GRAMD1B: variants seen among roughly 807,000 people sequenced by gnomAD.
GRAMD1B encodes the protein protein Aster-B.
A neutral mutation model predicts 99.7 loss-of-function variants in GRAMD1B; 37 were observed. That is an observed-to-expected ratio of 0.37 (90% CI 0.29 to 0.49). GRAMD1B has a LOEUF of 0.49. Among genes scored for constraint, GRAMD1B ranks in the 20% least tolerant of loss-of-function variants. GRAMD1B has a pLI of 0.98. For synonymous variants in GRAMD1B, 427 were observed against 387.6 expected (o/e 1.10, Z -1.19); for missense variants, 888 against 1,009.2 (o/e 0.88, Z 1.63).
At position 123,549,855 on chromosome 11, in the gene GRAMD1B, C is replaced by T. The variant is rs539362785; in HGVS notation, c.453-27512C>T. On this transcript the variant is annotated intron_variant, in intron 2 of 19. Coordinates refer to ENST00000635736, the MANE Select transcript of GRAMD1B (RefSeq NM_001387025.1). ...GAAAAGGCCTGTCTGGAAACAAATG[C>T]ATGAGCAGCCCAGGTGCTGCCCTGG... Among the ~76,000 whole-genome samples the T allele has an allele frequency of 1.6e-4, 24 of 152,296 alleles. 1 individual carries two copies. Among genetic ancestry groups the T allele is most frequent in the African/African-American group, 5.5e-4 (23 of 41,580 alleles).
At chr11:123,384,852 G>A (rs1409659614) in intron 1 of GRAMD1B, among the ~76,000 whole-genome samples, 1 of 152,062 alleles carries the variant, frequency 6.6e-6, no homozygotes, top group Non-Finnish European at 1.5e-5. Flanking sequence ...AGGTCATATG[G>A]TCTCCATCAC....
At chr11:123,567,572 G>C (rs373207164) in intron 2 of GRAMD1B, among the ~76,000 whole-genome samples, 2 of 152,204 alleles carry the variant, frequency 1.3e-5, no homozygotes, top group Non-Finnish European at 2.9e-5. Context: ...AGTGGGTCAG[G>C]CTGTTTTGTC....
chr11:123,363,056 C>A (rs1461004393), intron 1 of GRAMD1B, among the ~76,000 whole-genome samples: 1 of 151,966 alleles, frequency 6.6e-6, no homozygotes, highest in Non-Finnish European at 1.5e-5. Context: ...AAGAAAAGGC[C>A]AAAGAGGGGA....
chr11:123,608,295 A>G, intron 11 of GRAMD1B: 1 of 585,124 alleles, frequency 1.7e-6, no homozygotes, highest in Non-Finnish European at 3.0e-6. Flanking sequence ...AGACTCTCAA[A>G]ACCCCATTCT....
chr11:123,540,521 A>G (rs759538120), intron 2 of GRAMD1B, among the ~76,000 whole-genome samples: 4 of 152,190 alleles, frequency 2.6e-5, no homozygotes, highest in Non-Finnish European at 4.4e-5. Context: ...GTTCTCTTAC[A>G]TATGTCTTCT....
chr11:123,560,350 A>C, intron 2 of GRAMD1B: 1 of 1,168,882 alleles, frequency 8.6e-7, no homozygotes. Flanking sequence ...GTAAGGCGGC[A>C]CGACCACACC....
Position 123,525,197 on chromosome 11 carries a change from G to A in GRAMD1B, c.452+44304G>A, listed in dbSNP as rs568544978. Among the ~76,000 whole-genome samples the A allele has an allele frequency of 3.9e-4, 60 of 152,202 alleles. 1 individual carries two copies. Among genetic ancestry groups the A allele is most frequent in the South Asian group, 8.3e-4 (4 of 4,830 alleles). On this transcript the variant is annotated intron_variant, in intron 2 of 19. Coordinates refer to ENST00000635736, the MANE Select transcript of GRAMD1B (RefSeq NM_001387025.1). The stretch of plus-strand genomic sequence containing the variant: ...ACCAGAAGTTGCTGCCTCACCCTGC[G>A]TCCCAGAAGTCATGGCAATTTCCCC...
chr11:123,460,070 G>A (rs184521424), intron 1 of GRAMD1B: 6 of 136,016 alleles, frequency 4.4e-5, no homozygotes, highest in African/African-American at 6.3e-5. Context: ...TTGGACATAC[G>A]TGTGTGTGTG....
chr11:123,613,325 A>G (rs1458882052), intron 15 of GRAMD1B, 130 bp from the exon 16 acceptor site: 3 of 671,160 alleles, frequency 4.5e-6, no homozygotes, highest in South Asian at 1.9e-5. Flanking sequence ...CCTGAGGCTC[A>G]TGGGCATCCC....
intron 2 of GRAMD1B, among the ~76,000 whole-genome samples, chr11:123,482,378 G>A (rs986176005): frequency 1.3e-5 from 2 of 152,128 alleles, no homozygotes; most frequent in East Asian, 1.9e-4. Flanking sequence ...GATTACAAGC[G>A]TGAGCCACCA....
At chr11:123,502,333 C>T (rs1292719303) in intron 2 of GRAMD1B, among the ~76,000 whole-genome samples, 1 of 152,162 alleles carries the variant, frequency 6.6e-6, no homozygotes, top group Non-Finnish European at 1.5e-5. Flanking sequence ...ATGATGCAAA[C>T]GTGCATGTCC....
chr11:123,597,756 T>C (rs1951460544), intron 7 of GRAMD1B, among the ~76,000 whole-genome samples: 1 of 152,212 alleles, frequency 6.6e-6, no homozygotes, highest in African/African-American at 2.4e-5. Context: ...AGAATCTTTT[T>C]AAATATAAAA....
At chr11:123,501,436 G>T (rs563742477) in intron 2 of GRAMD1B, among the ~76,000 whole-genome samples, 1 of 152,264 alleles carries the variant, frequency 6.6e-6, no homozygotes, top group South Asian at 2.1e-4. Flanking sequence ...CTCCCAAAGA[G>T]CTGGGATTAC....
chr11:123,526,176 GT>G, intron 2 of GRAMD1B: 1 of 1,612,162 alleles, frequency 6.2e-7, no homozygotes, highest in African/African-American at 1.3e-5. Context: ...CTCCTGGTAA[GT>G]AGAGGAGGGA....
intron 1 of GRAMD1B, among the ~76,000 whole-genome samples, chr11:123,443,217 C>G (rs1374755277): frequency 1.3e-5 from 2 of 152,110 alleles, no homozygotes; most frequent in Non-Finnish European, 2.9e-5. Context: ...CAGAGAAACA[C>G]TTATGTTTAT....
At position 123,510,868 on chromosome 11, in the gene GRAMD1B, C is replaced by T. The variant is rs551651843; in HGVS notation, c.452+29975C>T. The stretch of plus-strand genomic sequence containing the variant: ...GTGAGCACCAAGACCTCAGGAGAGG[C>T]GAGGAGGTGCCAGGTCCTACAAAGC... On this transcript the variant is annotated intron_variant, in intron 2 of 19. Transcript: ENST00000635736. This position sits in a 1 kb window ranked among gnomAD's most constrained non-coding sequence, Gnocchi z 4.3. Among the ~76,000 whole-genome samples, 97 of 152,130 alleles carry T rather than the reference C, an allele frequency of 6.4e-4. No individual in the cohort carries two copies. Among genetic ancestry groups the T allele is most frequent in the South Asian group, 4.4e-3 (21 of 4,804 alleles).
At chr11:123,411,294 G>A (rs913850045) in intron 1 of GRAMD1B, among the ~76,000 whole-genome samples, 6 of 151,944 alleles carry the variant, frequency 3.9e-5, no homozygotes, top group Non-Finnish European at 8.8e-5. Context: ...GTGAGCCACC[G>A]CACCCGGCAA....
Position 123,609,865 on chromosome 11 carries a change from C to T in GRAMD1B, c.1728C>T (p.Thr576=). Residue 576 remains threonine, a synonymous_variant, in exon 13 of 20, where the codon ACC becomes ACT. Transcript: ENST00000635736. ...GCCGAGTGATTCTTTACACCATCAC[C>T]CTTACCAACCCTCTGGCTCCCAAAA... The part of the protein sequence containing the change: ...NQSRVILYTI[T]LTNPLAPKTA... 1 of 1,602,330 alleles carries T rather than the reference C, an allele frequency of 6.2e-7. No homozygotes were observed. Among genetic ancestry groups the T allele is most frequent in the Non-Finnish European group, 8.5e-7 (1 of 1,174,260 alleles).
At position 123,618,726 on chromosome 11, in the gene GRAMD1B, C is replaced by G. The variant is rs748665183; in HGVS notation, c.2352C>G (p.Leu784=). The G allele has an allele frequency of 6.3e-7, 1 of 1,587,272 alleles. No individual in the cohort carries two copies. Among genetic ancestry groups the G allele is most frequent in the Non-Finnish European group, 8.6e-7 (1 of 1,165,638 alleles). ...LVLLVILNMM[L]FYKLWMLEYT... ...TGCTGGTCATCCTTAACATGATGCT[C>G]TTCTACAAACTCTGGATGTTGGAAT... is the stretch of plus-strand genomic sequence containing the variant. Residue 784 remains leucine (L), a synonymous_variant, in exon 18 of 20, where the codon CTC becomes CTG. Coordinates refer to ENST00000635736, the MANE Select transcript of GRAMD1B (RefSeq NM_001387025.1).
Sources: allele counts gnomAD v4.1 joint callset (sites outside exome capture counted in the v4.1 genomes callset), GRCh38; gene constraint gnomAD v4.1.1; non-coding constraint Gnocchi (gnomAD v3.1); transcripts MANE v1.5; gene names NCBI Gene and HGNC (gene_info 2026-07-23, HGNC 2026-07-21).